RASA2: variants seen among roughly 807,000 people sequenced by gnomAD.
RASA2 encodes ras GTPase-activating protein 2.
A neutral mutation model predicts 118.2 loss-of-function variants in RASA2; 155 were observed. The observed-to-expected ratio is 1.31, with a 90% CI of 1.15 to 1.50. RASA2 has a LOEUF of 1.50. Ranked by LOEUF, RASA2 falls within the 40% of genes most tolerant of loss-of-function variation. The pLI, the probability that RASA2 is intolerant of heterozygous loss-of-function variation, is 0.00. For synonymous variants in RASA2, 353 were observed against 349.1 expected (o/e 1.01, Z -0.12); for missense variants, 1,016 against 1,009.6 (o/e 1.01, Z -0.09).
chr3:141,559,868 AC>A, intron 8 of RASA2, 25 bp from the exon 9 acceptor site: 1 of 1,592,712 alleles, frequency 6.3e-7, no homozygotes, highest in Non-Finnish European at 8.6e-7. Context: ...TGTTTGCAAA[AC>A]ATAAAGCCAG....
At chr3:141,504,989 A>G (rs2081842855) in intron 1 of RASA2, among the ~76,000 whole-genome samples, 1 of 152,050 alleles carries the variant, frequency 6.6e-6, no homozygotes, top group African/African-American at 2.4e-5. Flanking sequence ...ACCCTCAATG[A>G]CTTCCTTCAG....
At chr3:141,564,952 G>A (rs116201279) in intron 9 of RASA2, among the ~76,000 whole-genome samples, 7,666 of 151,970 alleles carry the variant, frequency 0.05, 666 homozygotes, top group African/African-American at 0.18. Context: ...ATCAGGCTCT[G>A]CACTCAGTCA....
At chr3:141,597,468 G>A (rs993609017) in intron 19 of RASA2, among the ~76,000 whole-genome samples, 4 of 152,206 alleles carry the variant, frequency 2.6e-5, no homozygotes, top group Admixed American at 6.5e-5. Context: ...CCAAGTAGCC[G>A]ATTGGGGTAT....
Position 141,603,090 on chromosome 3 carries a change from G to A in RASA2, c.1934-4588G>A, listed in dbSNP as rs117867109. On this transcript the variant is annotated intron_variant, in intron 19 of 23. Transcript: ENST00000286364. ...TCTTACCCTATGCGGTTTTTCATGA[G>A]TAAACTTATCACCGTTGGTTGTTTT... Among the ~76,000 whole-genome samples the A allele has an allele frequency of 1.4e-3, 217 of 152,266 alleles. 7 individuals carry two copies. In the East Asian group the frequency reaches 0.024, roughly 17 times the overall value.
intron 1 of RASA2, among the ~76,000 whole-genome samples, chr3:141,500,924 C>T (rs2081769395): frequency 6.6e-6 from 1 of 151,984 alleles, no homozygotes; most frequent in South Asian, 2.1e-4. Flanking sequence ...GATTAACTGG[C>T]TAAGGAGTTG....
intron 9 of RASA2, among the ~76,000 whole-genome samples, chr3:141,562,729 G>A (rs2082754045): frequency 6.6e-6 from 1 of 151,238 alleles, no homozygotes; most frequent in South Asian, 2.1e-4. Flanking sequence ...CTGGAGTGCA[G>A]TAGCGCCATC....
chr3:141,511,571 A>T (rs2081950827), intron 1 of RASA2, among the ~76,000 whole-genome samples: 1 of 152,096 alleles, frequency 6.6e-6, no homozygotes, highest in Non-Finnish European at 1.5e-5. Context: ...TATGATGAAA[A>T]CAGAGAAGTG....
rs541581302 is a variant in RASA2 at position 141,565,404 on chromosome 3, A to G, written c.863+5409A>G. On this transcript the variant is annotated intron_variant, in intron 9 of 23. Coordinates refer to ENST00000286364, the MANE Select transcript of RASA2 (RefSeq NM_006506.5). ...CAATTGTCAGGATGCTTGGTCATCA[A>G]CCAGCTAAACTTCCTGATGTGGTTT... Among the ~76,000 whole-genome samples the G allele has an allele frequency of 4.6e-5, 7 of 152,344 alleles. No homozygotes were observed. In the South Asian group the frequency reaches 1.2e-3, roughly 27 times the overall value.
intron 5 of RASA2, among the ~76,000 whole-genome samples, chr3:141,542,700 G>C (rs1326841805): frequency 6.6e-6 from 1 of 151,774 alleles, no homozygotes; most frequent in African/African-American, 2.4e-5. Flanking sequence ...CATGTGTGTT[G>C]ATTTGTGTAA....
chr3:141,534,440 G>A (rs899019777), intron 4 of RASA2, among the ~76,000 whole-genome samples: 1 of 152,080 alleles, frequency 6.6e-6, no homozygotes, highest in Non-Finnish European at 1.5e-5. Context: ...ATTAATTAAG[G>A]AGTTTGTCTC....
intron 4 of RASA2, among the ~76,000 whole-genome samples, chr3:141,536,698 G>T (rs1158117204): frequency 6.6e-5 from 10 of 151,540 alleles, no homozygotes; most frequent in Non-Finnish European, 8.8e-5. Flanking sequence ...TGAATAATAA[G>T]AATGCAGTTG....
intron 7 of RASA2, among the ~76,000 whole-genome samples, chr3:141,558,055 G>T (rs1239969765): frequency 6.6e-6 from 1 of 152,034 alleles, no homozygotes; most frequent in Non-Finnish European, 1.5e-5. Context: ...GAGAATAGAG[G>T]TATACAATAC....
chr3:141,530,290 C>T (rs552350048), intron 4 of RASA2, among the ~76,000 whole-genome samples: 1 of 152,016 alleles, frequency 6.6e-6, no homozygotes, highest in Non-Finnish European at 1.5e-5. Context: ...TTGTTCACCT[C>T]GCTTTTTATT....
At chr3:141,594,103 GAAAAT>G (rs1345164207) in intron 19 of RASA2, among the ~76,000 whole-genome samples, 3 of 152,150 alleles carry the variant, frequency 2.0e-5, no homozygotes, top group Admixed American at 6.5e-5. Context: ...AGCCAAAAAA[GAAAAT>G]AAAAAGGGAA....
At chr3:141,493,415 T>A (rs967605972) in intron 1 of RASA2, among the ~76,000 whole-genome samples, 1 of 152,178 alleles carries the variant, frequency 6.6e-6, no homozygotes, top group Non-Finnish European at 1.5e-5. Context: ...TGACTGTCTG[T>A]CACCATCACC....
chr3:141,549,171 G>T (rs2082532466), intron 5 of RASA2, among the ~76,000 whole-genome samples: 1 of 152,196 alleles, frequency 6.6e-6, no homozygotes, highest in African/African-American at 2.4e-5. Context: ...AGCAGAGGAG[G>T]TACTCCTTTT....
Position 141,613,087 on chromosome 3 carries a change from G to C in RASA2, c.*774G>C, listed in dbSNP as rs983338901. On this transcript the variant is annotated 3_prime_UTR_variant, in exon 24 of 24. Coordinates refer to ENST00000286364, the MANE Select transcript of RASA2 (RefSeq NM_006506.5). The stretch of plus-strand genomic sequence containing the variant: ...TTGAAAGTTTAACATGACTTCTAAG[G>C]ACATCTCTTCAAAAAGAAAGTAAAC... 6.6e-6 allele frequency: 1 copy of C among 152,100 alleles called. No individual in the cohort carries two copies. The highest frequency in any genetic ancestry group is 2.1e-4 in the South Asian group (1 of 4,826). 9.4% of individuals were successfully genotyped at this position (152,100 alleles called of 1,614,324 possible).
chr3:141,549,525 C>T (rs1465243629), intron 5 of RASA2, among the ~76,000 whole-genome samples: 7 of 148,858 alleles, frequency 4.7e-5, no homozygotes, highest in Non-Finnish European at 8.9e-5. Context: ...TTGCAATTCT[C>T]CAGTCAGCAC....
chr3:141,504,376 T>C (rs1173780659), intron 1 of RASA2, among the ~76,000 whole-genome samples: 1 of 152,200 alleles, frequency 6.6e-6, no homozygotes, highest in Middle Eastern at 3.2e-3. Flanking sequence ...CATCTCAGAT[T>C]TAATATTCAA....
Sources: gnomAD v4.1 joint callset for allele counts (sites outside exome capture counted in the v4.1 genomes callset) on GRCh38, gnomAD v4.1.1 for gene constraint, MANE v1.5 for transcripts, NCBI Gene and HGNC (gene_info 2026-07-23, HGNC 2026-07-21) for gene names.